The following RTN3 variants were observed in gnomAD, a reference collection of about 807,000 sequenced individuals.
RTN3 encodes the protein reticulon-3.
Under a neutral mutation model 77.8 loss-of-function variants are expected in RTN3, and 49 were observed. The ratio of observed to expected loss-of-function variants is 0.63; its 90% CI spans 0.50 to 0.80. The LOEUF (loss-of-function observed/expected upper bound fraction) is 0.80. RTN3 is among the 30% of genes least tolerant of loss of function. The pLI, the probability that RTN3 is intolerant of heterozygous loss-of-function variation, is 0.00. For synonymous variants in RTN3, 464 were observed against 446.9 expected (o/e 1.04, Z -0.48); for missense variants, 1,236 against 1,211.9 (o/e 1.02, Z -0.29).
chr11:63,719,531 T>C lies in RTN3; in HGVS notation c.1029T>C (p.Asp343=). The part of the protein sequence containing the change: ...HNFTNEILTW[D]LVPQVKQQTD... ...TTACTAACGAAATACTGACTTGGGA[T>C]CTGGTTCCCCAAGTGAAACAACAGA... The change falls in exon 3 of 9, where the codon GAT becomes GAC. Residue 343 remains aspartate (D), a synonymous_variant. Coordinates refer to ENST00000377819, the MANE Select transcript of RTN3 (RefSeq NM_001265589.2). 1 of 1,614,180 alleles carries C rather than the reference T, an allele frequency of 6.2e-7. No homozygotes were observed. The highest frequency in any genetic ancestry group is 8.5e-7 in the Non-Finnish European group (1 of 1,180,014).
chr11:63,690,214 A>T (rs546167018), intron 1 of RTN3, among the ~76,000 whole-genome samples: 1 of 152,294 alleles, frequency 6.6e-6, no homozygotes, highest in South Asian at 2.1e-4. Flanking sequence ...CATTCTGGAA[A>T]ACCTTTTGTT....
intron 3 of RTN3, among the ~76,000 whole-genome samples, chr11:63,734,773 A>C (rs1444034776): frequency 6.8e-6 from 1 of 147,010 alleles, no homozygotes; most frequent in Non-Finnish European, 1.5e-5. Flanking sequence ...ACACACACAC[A>C]CACACACACC....
chr11:63,717,513 G>A (rs1349074302), intron 2 of RTN3, among the ~76,000 whole-genome samples: 2 of 148,622 alleles, frequency 1.3e-5, no homozygotes, highest in South Asian at 2.2e-4. Flanking sequence ...TCAGCCTCCC[G>A]AGTAGCTGGA....
rs139641375 is a variant in RTN3 at position 63,736,700 on chromosome 11, A to G, written c.2531-13291A>G. ...CTCCGTCTCAAAAAAATTTTAAAAA[A>G]TAAGTATCCAAATGGATATGTCTAG... On this transcript the variant is annotated intron_variant, in intron 3 of 8. Coordinates refer to ENST00000377819, the MANE Select transcript of RTN3 (RefSeq NM_001265589.2). 1.9e-3 allele frequency among the ~76,000 whole-genome samples: 292 copies of G among 152,308 alleles called. 1 individual carries two copies. The highest frequency in any genetic ancestry group is 6.8e-3 in the African/African-American group (284 of 41,576).
intron 1 of RTN3, among the ~76,000 whole-genome samples, chr11:63,697,725 C>G (rs1379668270): frequency 6.6e-6 from 1 of 152,142 alleles, no homozygotes; most frequent in East Asian, 1.9e-4. Flanking sequence ...ACCTGCCCGC[C>G]TTGGCCTCCC....
chr11:63,719,226 G>C lies in RTN3; in HGVS notation c.724G>C (p.Asp242His). The C allele has an allele frequency of 6.2e-7, 1 of 1,614,100 alleles. No individual in the cohort carries two copies. The highest frequency in any genetic ancestry group is 8.5e-7 in the Non-Finnish European group (1 of 1,180,004). The change falls in exon 3 of 9, where the codon GAT becomes CAT. Residue 242 changes from aspartate (D) to histidine (H), a missense_variant. Physicochemically the swap from Asp to His is moderately conservative, Grantham distance 81. Coordinates refer to ENST00000377819, the MANE Select transcript of RTN3 (RefSeq NM_001265589.2). ...TTCAGGAGATGATGTTATTGAAAAGGATTCCCCTGAATCACCATTTGAAGT... is the reference window on the plus strand; with the variant it reads ...TTCAGGAGATGATGTTATTGAAAAGCATTCCCCTGAATCACCATTTGAAGT... The part of the protein sequence containing the change: ...KVSGDDVIEK[D>H]SPESPFEVII...
chr11:63,757,747 A>T (rs1343455908), intron 8 of RTN3, among the ~76,000 whole-genome samples: 3 of 122,430 alleles, frequency 2.5e-5, no homozygotes, highest in African/African-American at 6.3e-5. Flanking sequence ...TTTGAGATGG[A>T]GTCTCGCTGT....
In RTN3 at chr11:63,718,860, G is replaced by A. The variant is rs373926513; in HGVS notation, c.358G>A (p.Asp120Asn). 14 of 1,614,108 alleles carry A rather than the reference G, an allele frequency of 8.7e-6. No homozygotes were observed. In the African/African-American group the frequency reaches 9.3e-5, roughly 11 times the overall value. Residue 120 changes from aspartate (D) to asparagine (N), a missense_variant, in exon 3 of 9, where the codon GAC becomes AAC. Physicochemically the swap from Asp to Asn is conservative, Grantham distance 23 (BLOSUM62 1). Coordinates refer to ENST00000377819, the MANE Select transcript of RTN3 (RefSeq NM_001265589.2). ...GCCTATTTTAGCCAAAGAAGGAAAA[G>A]ACCACTTGGATCTTCTAGATATGAA... ...SQPILAKEGK[D>N]HLDLLDMKKM...
At chr11:63,749,069 G>T (rs1029851638) in intron 3 of RTN3, among the ~76,000 whole-genome samples, 2 of 152,132 alleles carry the variant, frequency 1.3e-5, no homozygotes, top group African/African-American at 4.8e-5. Context: ...ATTGCTTGAA[G>T]CCAGGAGTTC....
intron 3 of RTN3, among the ~76,000 whole-genome samples, chr11:63,732,152 A>G (rs1342886346): frequency 2.0e-5 from 3 of 152,134 alleles, no homozygotes; most frequent in Non-Finnish European, 4.4e-5. Context: ...TGGAAAGTTC[A>G]ACAAAATTAT....
chr11:63,726,874 A>AG lies in RTN3; in HGVS notation c.2530+5842_2530+5843insG, dbSNP rs1221820812. ...AAGACTCCGTCTGAAAAAAAAAAAA[A>AG]AAAAGAAGAAGTGAGCCGAGTTTGT... is the stretch of plus-strand genomic sequence containing the variant. On this transcript the variant is annotated intron_variant, in intron 3 of 8. Transcript: ENST00000377819. Among the ~76,000 whole-genome samples, 3 of 73,698 alleles carry AG rather than the reference A, an allele frequency of 4.1e-5. No individual in the cohort carries two copies. The East Asian group carries it at 4.1e-3, about 101-fold the overall frequency. The allele number at this position is 73,698 out of a possible 152,430, so 48.3% of individuals were successfully genotyped here. A position where few individuals can be genotyped will look rare whatever the true frequency, so the allele number is the denominator to read the frequency against.
At chr11:63,746,917 T>C in intron 3 of RTN3, 1 of 453,470 alleles carries the variant, frequency 2.2e-6, no homozygotes, top group Non-Finnish European at 4.4e-6. Context: ...ACCAATGATG[T>C]CTTTATAGCT....
chr11:63,709,984 C>CT (rs1385341268), intron 2 of RTN3, among the ~76,000 whole-genome samples: 1 of 152,160 alleles, frequency 6.6e-6, no homozygotes, highest in Non-Finnish European at 1.5e-5. Flanking sequence ...ACTATTTACT[C>CT]TTTTTAGGAA....
Position 63,720,750 on chromosome 11 carries a change from G to T in RTN3, c.2248G>T (p.Glu750Ter), listed in dbSNP as rs1214010436. The T allele has an allele frequency of 6.2e-7, 1 of 1,614,134 alleles. No individual in the cohort carries two copies. The highest frequency in any genetic ancestry group is 8.5e-7 in the Non-Finnish European group (1 of 1,180,026). Residue 750 changes from glutamate to a stop codon, truncating the protein, a stop_gained, in exon 3 of 9, where the codon GAA becomes TAA. Coordinates refer to ENST00000377819, the MANE Select transcript of RTN3 (RefSeq NM_001265589.2). LOFTEE classifies it high-confidence loss of function. ...QEQLTIKALKELGERQVEKST... is the reference protein window; with the variant it reads ...QEQLTIKALK ...ACAGCTCACAATTAAGGCTCTTAAAGAATTAGGTGAAAGACAGGTTGAGAA... is the reference window on the plus strand; with the variant it reads ...ACAGCTCACAATTAAGGCTCTTAAATAATTAGGTGAAAGACAGGTTGAGAA...
Position 63,719,238 on chromosome 11 carries a change from T to C in RTN3, c.736T>C (p.Ser246Pro). The C allele has an allele frequency of 6.2e-7, 1 of 1,614,140 alleles. No homozygotes were observed. Among genetic ancestry groups the C allele is most frequent in the Non-Finnish European group, 8.5e-7 (1 of 1,179,996 alleles). ...TGTTATTGAAAAGGATTCCCCTGAA[T>C]CACCATTTGAAGTAATTATTGACAA... ...DDVIEKDSPE[S>P]PFEVIIDKAA... The change falls in exon 3 of 9, where the codon TCA becomes CCA. Residue 246 changes from serine to proline, a missense_variant. Ser to Pro is a moderately conservative substitution (Grantham distance 74). Around this residue, in one of 3 missense-constraint regions of RTN3, gnomAD observed 1,056 missense variants for 990.4 expected, o/e 1.07. Coordinates refer to ENST00000377819, the MANE Select transcript of RTN3 (RefSeq NM_001265589.2).
At chr11:63,682,187 G>A (rs1319181780) in intron 1 of RTN3, among the ~76,000 whole-genome samples, 1 of 152,190 alleles carries the variant, frequency 6.6e-6, no homozygotes, top group African/African-American at 2.4e-5. Flanking sequence ...TATTTTTGAG[G>A]GGATGGTGGT....
Position 63,720,824 on chromosome 11 carries a change from G to A in RTN3, c.2322G>A (p.Leu774=). The change falls in exon 3 of 9, where the codon CTG becomes CTA. Residue 774 remains leucine (L), a synonymous_variant. Transcript: ENST00000377819. ...RDAELPSEEV[L]KQTFTFAPES... ...CAGAATTGCCTTCTGAAGAAGTACT[G>A]AAGCAAACTTTCACATTTGCTCCAG... The A allele has an allele frequency of 6.2e-7, 1 of 1,613,970 alleles. No individual in the cohort carries two copies. The highest frequency in any genetic ancestry group is 8.5e-7 in the Non-Finnish European group (1 of 1,180,010).
intron 3 of RTN3, among the ~76,000 whole-genome samples, chr11:63,737,267 A>G (rs949472180): frequency 6.6e-6 from 1 of 152,240 alleles, no homozygotes; most frequent in Admixed American, 6.5e-5. Flanking sequence ...TCTTCATGAC[A>G]TAGGGTAGGC....
intron 1 of RTN3, among the ~76,000 whole-genome samples, chr11:63,699,944 C>G (rs1400410420): frequency 7.2e-5 from 11 of 152,158 alleles, no homozygotes; most frequent in Non-Finnish European, 1.2e-4. Flanking sequence ...GTTCAGTTCC[C>G]TGTGACACAA....
Sources: gnomAD v4.1 joint callset for allele counts (sites outside exome capture counted in the v4.1 genomes callset) on GRCh38, gnomAD v4.1.1 for gene constraint, gnomAD v4.1.1 regional missense constraint, MANE v1.5 for transcripts, NCBI Gene and HGNC (gene_info 2026-07-23, HGNC 2026-07-21) for gene names.